The following MARCHF1 variants were observed in gnomAD, a reference collection of about 807,000 sequenced individuals.
The protein encoded by MARCHF1 is E3 ubiquitin-protein ligase MARCHF1.
A neutral mutation model predicts 54.2 loss-of-function variants in MARCHF1; 40 were observed. That is an observed-to-expected ratio of 0.74 (90% CI 0.57 to 0.96). The LOEUF is 0.96. Among genes scored for constraint, MARCHF1 ranks in the 40% least tolerant of loss-of-function variants. The pLI is 0.00. For missense variants in MARCHF1, 586 were observed against 656.5 expected (o/e 0.89, Z 1.17); for synonymous variants, 236 against 236.3 (o/e 1.00, Z 0.01).
At position 163,838,213 on chromosome 4, in the gene MARCHF1, G is replaced by A. The variant is rs531217895; in HGVS notation, c.111+15808C>T. Among the ~76,000 whole-genome samples the A allele has an allele frequency of 1.2e-4, 19 of 152,190 alleles. 1 individual carries two copies. The South Asian group carries it at 3.3e-3, about 27-fold the overall frequency. On this transcript the variant is annotated intron_variant, in intron 4 of 9. Transcript: ENST00000514618. ...AAAATACCAAAATCCATGGATGGATGGTCAGGTTCCTGATGTAAAATGGTT... is the reference window on the plus strand; with the variant it reads ...AAAATACCAAAATCCATGGATGGATAGTCAGGTTCCTGATGTAAAATGGTT...
chr4:163,920,636 C>A (rs1402366867), intron 3 of MARCHF1, among the ~76,000 whole-genome samples: 1 of 152,144 alleles, frequency 6.6e-6, no homozygotes, highest in Non-Finnish European at 1.5e-5. Context: ...TCTCAGTATG[C>A]TCTGGGATCC....
intron 2 of MARCHF1, among the ~76,000 whole-genome samples, chr4:164,085,439 T>C (rs961040593): frequency 6.6e-6 from 1 of 151,822 alleles, no homozygotes; most frequent in Non-Finnish European, 1.5e-5. Flanking sequence ...TTCTTCACTA[T>C]ATAAAGTGCC....
At chr4:163,776,552 G>A (rs1189510629) in intron 4 of MARCHF1, among the ~76,000 whole-genome samples, 3 of 151,926 alleles carry the variant, frequency 2.0e-5, no homozygotes, top group Non-Finnish European at 2.9e-5. Flanking sequence ...AGTGCATTTT[G>A]CCTTTGGTAA....
chr4:163,746,210 C>T (rs1216367733), intron 4 of MARCHF1, among the ~76,000 whole-genome samples: 3 of 152,148 alleles, frequency 2.0e-5, no homozygotes, highest in Non-Finnish European at 4.4e-5. Context: ...GCTCTTTTCA[C>T]TTTTATCTAG....
intron 2 of MARCHF1, among the ~76,000 whole-genome samples, chr4:164,073,259 G>T (rs7695305): frequency 3.3e-5 from 5 of 152,100 alleles, no homozygotes; most frequent in African/African-American, 4.8e-5. Context: ...ATCCCCATCA[G>T]TGATAGACTG....
At chr4:164,048,907 CA>C (rs2111037514) in intron 2 of MARCHF1, among the ~76,000 whole-genome samples, 1 of 152,074 alleles carries the variant, frequency 6.6e-6, no homozygotes, top group South Asian at 2.1e-4. Flanking sequence ...AAAAAAGCAC[CA>C]AAAATCAGTT....
chr4:164,334,881 C>A (rs565388906), intron 1 of MARCHF1, among the ~76,000 whole-genome samples: 2 of 152,206 alleles, frequency 1.3e-5, no homozygotes, highest in South Asian at 2.1e-4. Context: ...TTTATTCCAA[C>A]CTTCATGGAC....
At chr4:163,963,059 A>G (rs746738605) in intron 3 of MARCHF1, among the ~76,000 whole-genome samples, 9 of 151,926 alleles carry the variant, frequency 5.9e-5, no homozygotes, top group Non-Finnish European at 1.2e-4. Flanking sequence ...GGGTCAGAAT[A>G]AAATCATATG....
chr4:164,275,466 G>A (rs1407951752), intron 1 of MARCHF1, among the ~76,000 whole-genome samples: 1 of 152,136 alleles, frequency 6.6e-6, no homozygotes, highest in Non-Finnish European at 1.5e-5. Flanking sequence ...GTGGGGGAAA[G>A]GTTAAAAACC....
intron 9 of MARCHF1, among the ~76,000 whole-genome samples, chr4:163,537,427 C>T (rs1738572211): frequency 6.6e-6 from 1 of 152,176 alleles, no homozygotes; most frequent in African/African-American, 2.4e-5. Flanking sequence ...TGTCCTCAGT[C>T]ATATATAAAG....
chr4:163,761,354 G>C (rs1438800347), intron 4 of MARCHF1, among the ~76,000 whole-genome samples: 1 of 152,140 alleles, frequency 6.6e-6, no homozygotes, highest in Non-Finnish European at 1.5e-5. Flanking sequence ...AGAGAGCAAG[G>C]ATGAGCTCCC....
At chr4:164,007,345 C>CAAAAAAAAAAA (rs56306052) in intron 2 of MARCHF1, among the ~76,000 whole-genome samples, 9 of 81,794 alleles carry the variant, frequency 1.1e-4, no homozygotes, top group Admixed American at 3.0e-4. Context: ...GACTCCATCT[C>CAAAAAAAAAAA]AAAAAAAAAA....
At chr4:163,798,324 T>C (rs1286360105) in intron 4 of MARCHF1, among the ~76,000 whole-genome samples, 3 of 152,186 alleles carry the variant, frequency 2.0e-5, no homozygotes, top group Non-Finnish European at 4.4e-5. Flanking sequence ...GCAACTGTGC[T>C]GGAACCCTGA....
At position 163,895,040 on chromosome 4, in the gene MARCHF1, A is replaced by G. The variant is rs1214039732; in HGVS notation, c.-38-40871T>C. Among the ~76,000 whole-genome samples the G allele has an allele frequency of 1.3e-5, 2 of 151,902 alleles. 1 individual carries two copies. Among genetic ancestry groups the G allele is most frequent in the Non-Finnish European group, 2.9e-5 (2 of 67,928 alleles). ...ACACATATGCATGTGATGCACACAT[A>G]TACATATATGCATGTGATGCATAAA... is the stretch of plus-strand genomic sequence containing the variant. On this transcript the variant is annotated intron_variant, in intron 3 of 9. Transcript: ENST00000514618.
chr4:163,650,533 C>G (rs1461032677), intron 5 of MARCHF1, among the ~76,000 whole-genome samples: 1 of 151,850 alleles, frequency 6.6e-6, no homozygotes, highest in Admixed American at 6.6e-5. Flanking sequence ...GACGATGAAG[C>G]TTATATTAAA....
intron 4 of MARCHF1, among the ~76,000 whole-genome samples, chr4:163,718,215 G>C (rs1745325980): frequency 6.6e-6 from 1 of 152,164 alleles, no homozygotes; most frequent in Admixed American, 6.5e-5. Flanking sequence ...AGGAAACCTA[G>C]GCAATACCAT....
chr4:164,009,148 A>G (rs1753362623), intron 2 of MARCHF1, among the ~76,000 whole-genome samples: 1 of 152,100 alleles, frequency 6.6e-6, no homozygotes, highest in African/African-American at 2.4e-5. Context: ...CCTCAGTAAT[A>G]CAAAGAATCA....
At chr4:163,608,038 A>G (rs1741200990) in intron 7 of MARCHF1, among the ~76,000 whole-genome samples, 1 of 152,182 alleles carries the variant, frequency 6.6e-6, no homozygotes, top group African/African-American at 2.4e-5. Context: ...TTAGAAAAGT[A>G]CATTTTCACT....
chr4:163,823,487 G>A (rs528434469), intron 4 of MARCHF1, among the ~76,000 whole-genome samples: 1 of 151,776 alleles, frequency 6.6e-6, no homozygotes, highest in Admixed American at 6.6e-5. Flanking sequence ...AAGACAGAAG[G>A]TATGTATTAG....
Sources: gnomAD v4.1 joint callset for allele counts (sites outside exome capture counted in the v4.1 genomes callset) on GRCh38, gnomAD v4.1.1 for gene constraint, MANE v1.5 for transcripts, NCBI Gene and HGNC (gene_info 2026-07-23, HGNC 2026-07-21) for gene names.